Variants in PFKFB3 observed in about 807,000 individuals in gnomAD.
PFKFB3 encodes the protein 6-phosphofructo-2-kinase/fructose-2,6-biphosphatase 3, also known as 6-phosphofructo-2-kinase/fructose-2,6-bisphosphatase 3.
In PFKFB3, 33 loss-of-function variants were observed where a neutral mutation model predicts 68.0. That is an observed-to-expected ratio of 0.49 (90% CI 0.37 to 0.65). The LOEUF (loss-of-function observed/expected upper bound fraction) is 0.65, where lower values mean the gene tolerates loss of function less well. Among genes scored for constraint, PFKFB3 ranks in the 30% least tolerant of loss-of-function variants. The probability of loss-of-function intolerance (pLI) is 0.00; values close to 1 mark genes in which losing one functional copy is unlikely to be tolerated. For synonymous variants in PFKFB3, 315 were observed against 288.2 expected, an observed-to-expected ratio of 1.09 and a Z score of -0.94; for missense variants, 586 against 712.2, an observed-to-expected ratio of 0.82 and a Z score of 2.02.
At chr10:6,208,371 C>CTTTTTTTTTTTTTTTTTTTTTTTT (rs35447462) in intron 1 of PFKFB3, among the ~76,000 whole-genome samples, 2 of 60,622 alleles carry the variant, frequency 3.3e-5, no homozygotes, top group African/African-American at 6.7e-5. Flanking sequence ...GGTACCTGGC[C>CTTTTTTTTTTTTTTTTTTTTTTTT]TTTTTTTTTT....
rs1006853873 is a variant in PFKFB3 at position 6,228,520 on chromosome 10, A to G, written c.1515+2155A>G. Reference sequence around the variant, plus strand: ...TCGTGGTGTGTAATGGCCGTGGTTTAGGGCTCGGCATAAATCCACATTTCC... The same window carrying G: ...TCGTGGTGTGTAATGGCCGTGGTTTGGGGCTCGGCATAAATCCACATTTCC... On this transcript the variant is annotated intron_variant, in intron 14 of 14. Transcript: ENST00000379775. The surrounding 1 kb of genome is among the most constrained non-coding windows in gnomAD (Gnocchi z 4.5). Among the ~76,000 whole-genome samples, 1 of 151,936 alleles carries G rather than the reference A, an allele frequency of 6.6e-6. No individual in the cohort carries two copies. Among genetic ancestry groups the G allele is most frequent in the African/African-American group, 2.4e-5 (1 of 41,338 alleles).
At chr10:6,283,216 C>T in the PFKFB3 span, among the ~76,000 whole-genome samples, 1 of 152,198 alleles carries the variant, frequency 6.6e-6, no homozygotes, top group Admixed American at 6.5e-5. Flanking sequence ...GATCCACCCG[C>T]CTCGGCCTCC....
intron 1 of PFKFB3, among the ~76,000 whole-genome samples, chr10:6,188,356 A>G (rs2131813550): frequency 6.6e-6 from 1 of 151,664 alleles, no homozygotes; most frequent in Middle Eastern, 3.4e-3. Flanking sequence ...GAGTGATTCA[A>G]GGTTTCATCC....
intron 1 of PFKFB3, among the ~76,000 whole-genome samples, chr10:6,183,008 GAC>G (rs1842762954): frequency 1.3e-5 from 2 of 152,176 alleles, no homozygotes; most frequent in South Asian, 4.1e-4. Flanking sequence ...CTGGCTCCAG[GAC>G]ACAGTGCACA....
At chr10:6,161,284 C>T (rs1388079061) in intron 1 of PFKFB3, among the ~76,000 whole-genome samples, 1 of 152,104 alleles carries the variant, frequency 6.6e-6, no homozygotes, top group Non-Finnish European at 1.5e-5. Flanking sequence ...ACTTACGACT[C>T]AGGGCCTCTG....
chr10:6,316,322 C>T, the PFKFB3 span, among the ~76,000 whole-genome samples: 19 of 152,132 alleles, frequency 1.2e-4, no homozygotes, highest in African/African-American at 4.6e-4. Flanking sequence ...GTCAGAGCCA[C>T]GTGGAGGTAG....
At chr10:6,324,163 A>G in the PFKFB3 span, among the ~76,000 whole-genome samples, 2 of 152,220 alleles carry the variant, frequency 1.3e-5, no homozygotes, top group Non-Finnish European at 2.9e-5. Flanking sequence ...ATGCTACAAC[A>G]TGGACGAACC....
chr10:6,203,618 G>A (rs1351577006), intron 1 of PFKFB3, among the ~76,000 whole-genome samples: 3 of 151,794 alleles, frequency 2.0e-5, no homozygotes, highest in African/African-American at 7.2e-5. Flanking sequence ...AGGCCAGGGA[G>A]GGGATCCACA....
intron 1 of PFKFB3, among the ~76,000 whole-genome samples, chr10:6,147,523 G>A (rs1841431367): frequency 6.6e-6 from 1 of 152,198 alleles, no homozygotes; most frequent in Non-Finnish European, 1.5e-5. Flanking sequence ...GGAGATTTGG[G>A]TAGGAGATAG....
At chr10:6,273,248 C>T in the PFKFB3 span, among the ~76,000 whole-genome samples, 145,259 of 151,922 alleles carry the variant, frequency 0.96, 69,716 homozygotes, top group Non-Finnish European at 1. Flanking sequence ...TCATGATGGC[C>T]GTGAAATTAG....
intron 13 of PFKFB3, 28 bp from the exon 14 acceptor site, chr10:6,226,164 T>C (rs753884684): frequency 6.5e-7 from 1 of 1,532,568 alleles, no homozygotes; most frequent in Non-Finnish European, 8.8e-7. Flanking sequence ...ACTGTCGCCT[T>C]TCTCTCTTTT....
chr10:6,270,602 T>G, the PFKFB3 span, among the ~76,000 whole-genome samples: 15 of 152,300 alleles, frequency 9.8e-5, 2 homozygotes, highest in Admixed American at 6.5e-4. Flanking sequence ...ACCTTTGTGC[T>G]TGCTGTTTCC....
chr10:6,176,184 A>G (rs552478138), intron 1 of PFKFB3, among the ~76,000 whole-genome samples: 22 of 152,312 alleles, frequency 1.4e-4, no homozygotes, highest in African/African-American at 4.3e-4. Context: ...TTATGGGGAA[A>G]ATGCTGAGGG....
chr10:6,249,076 A>G (rs1457853209), intron 14 of PFKFB3, among the ~76,000 whole-genome samples: 1 of 148,494 alleles, frequency 6.7e-6, no homozygotes, highest in East Asian at 2.1e-4. Flanking sequence ...CAGGAGGCTG[A>G]GGCAGGAGAA....
At chr10:6,177,439 T>TTTCTTTCTTTCTTC (rs1459083424) in intron 1 of PFKFB3, among the ~76,000 whole-genome samples, 19 of 5,606 alleles carry the variant, frequency 3.4e-3, no homozygotes, top group African/African-American at 1.0e-2. Flanking sequence ...CTTTTCTTTC[T>TTTCTTTCTTTCTTC]CTTTCTTTCT....
chr10:6,159,836 G>A (rs1427332806), intron 1 of PFKFB3, among the ~76,000 whole-genome samples: 1 of 151,880 alleles, frequency 6.6e-6, no homozygotes, highest in Non-Finnish European at 1.5e-5. Flanking sequence ...GTGACTCACT[G>A]CAGCTTTGAC....
chr10:6,217,851 T>A (rs1015895792), intron 6 of PFKFB3, among the ~76,000 whole-genome samples: 1 of 152,210 alleles, frequency 6.6e-6, no homozygotes, highest in African/African-American at 2.4e-5. Context: ...GATAATTTCC[T>A]CTTCAGCTTA....
At position 6,228,162 on chromosome 10, in the gene PFKFB3, C is replaced by G. The variant is rs756888730; in HGVS notation, c.1515+1797C>G. ...GTCCCTGCAGATTGCGCCCTGCCTCCTGACTGACTTCTCTCTCTGCTTCTC... is the reference window on the plus strand; with the variant it reads ...GTCCCTGCAGATTGCGCCCTGCCTCGTGACTGACTTCTCTCTCTGCTTCTC... On this transcript the variant is annotated intron_variant, in intron 14 of 14. Coordinates refer to ENST00000379775, the MANE Select transcript of PFKFB3 (RefSeq NM_004566.4). This position sits in a 1 kb window ranked among gnomAD's most constrained non-coding sequence, Gnocchi z 4.5. 1 of 1,612,682 alleles carries G rather than the reference C, an allele frequency of 6.2e-7. No homozygotes were observed. Among genetic ancestry groups the G allele is most frequent in the Non-Finnish European group, 8.5e-7 (1 of 1,179,784 alleles).
chr10:6,210,189 A>C, intron 1 of PFKFB3, among the ~76,000 whole-genome samples: 1 of 119,202 alleles, frequency 8.4e-6, no homozygotes, highest in East Asian at 2.2e-4. Context: ...GAAACATGAG[A>C]TGTGCTGTGA....
Sources: gnomAD v4.1 joint callset for allele counts (sites outside exome capture counted in the v4.1 genomes callset) on GRCh38, gnomAD v4.1.1 for gene constraint, Gnocchi (gnomAD v3.1) non-coding constraint, MANE v1.5 for transcripts, NCBI Gene and HGNC (gene_info 2026-07-23, HGNC 2026-07-21) for gene names.